ADARB2: variants seen among roughly 807,000 people sequenced by gnomAD.
ADARB2 encodes the protein adenosine deaminase RNA specific B2 (inactive), also known as inactive double-stranded RNA-specific editase B2.
ADARB2 carries 25 observed loss-of-function variants against 62.2 expected under a neutral mutation model. That is an observed-to-expected ratio of 0.40 (90% CI 0.29 to 0.56). The LOEUF (loss-of-function observed/expected upper bound fraction) is 0.56, where lower values mean the gene tolerates loss of function less well. Ranked by LOEUF, ADARB2 falls within the 20% of genes least tolerant of loss-of-function variation. The pLI, the probability that ADARB2 is intolerant of heterozygous loss-of-function variation, is 0.43. For missense variants in ADARB2, 1,071 were observed against 1,077.4 expected, an observed-to-expected ratio of 0.99 and a Z score of 0.08; for synonymous variants, 572 against 500.8, an observed-to-expected ratio of 1.14 and a Z score of -1.90.
At chr10:1,375,796 GCA>G (rs60085061) in intron 2 of ADARB2, among the ~76,000 whole-genome samples, 10,341 of 126,154 alleles carry the variant, frequency 0.082, 1,082 homozygotes, top group African/African-American at 0.25. Context: ...ATGCACACAC[GCA>G]CACACACACC....
intron 1 of ADARB2, among the ~76,000 whole-genome samples, chr10:1,621,604 T>C (rs1447599046): frequency 1.3e-5 from 2 of 152,162 alleles, no homozygotes; most frequent in South Asian, 4.1e-4. Context: ...CTTGTAGAGA[T>C]GAGTTTTCAC....
At chr10:1,309,898 G>A (rs1174933803) in intron 3 of ADARB2, among the ~76,000 whole-genome samples, 3 of 152,236 alleles carry the variant, frequency 2.0e-5, no homozygotes, top group African/African-American at 7.2e-5. Flanking sequence ...GCAGCTGTGT[G>A]GACTGCCACC....
chr10:1,602,708 A>G (rs376291380), intron 1 of ADARB2, among the ~76,000 whole-genome samples: 1 of 100,892 alleles, frequency 9.9e-6, no homozygotes, highest in Non-Finnish European at 2.3e-5. Flanking sequence ...ACACATCCAC[A>G]CACATATGCA....
intron 1 of ADARB2, among the ~76,000 whole-genome samples, chr10:1,439,276 A>G (rs1321791211): frequency 7.9e-6 from 1 of 126,196 alleles, no homozygotes; most frequent in East Asian, 2.6e-4. Flanking sequence ...TCTCCTCAGC[A>G]GATGGAGGCA....
intron 1 of ADARB2, among the ~76,000 whole-genome samples, chr10:1,632,527 G>T (rs1399779977): frequency 6.6e-6 from 1 of 152,232 alleles, no homozygotes; most frequent in Non-Finnish European, 1.5e-5. Context: ...TGCCCATGTG[G>T]CTGGGCCTAT....
intron 3 of ADARB2, among the ~76,000 whole-genome samples, chr10:1,288,943 A>G (rs966797257): frequency 1.3e-5 from 2 of 152,212 alleles, no homozygotes; most frequent in African/African-American, 4.8e-5. Flanking sequence ...TTCCAGAGTT[A>G]ACCTGAAAAA....
At chr10:1,348,597 C>T (rs1049503808) in intron 3 of ADARB2, among the ~76,000 whole-genome samples, 1 of 152,174 alleles carries the variant, frequency 6.6e-6, no homozygotes, top group African/African-American at 2.4e-5. Context: ...GTGCCCTGCT[C>T]TCCTCCTCCC....
At chr10:1,485,074 G>A (rs1355497345) in intron 1 of ADARB2, among the ~76,000 whole-genome samples, 2 of 152,084 alleles carry the variant, frequency 1.3e-5, no homozygotes, top group Non-Finnish European at 2.9e-5. Context: ...ATGTAGGTAT[G>A]TAGGTGGATT....
At chr10:1,729,129 T>C (rs1380336075) in intron 1 of ADARB2, among the ~76,000 whole-genome samples, 1 of 152,240 alleles carries the variant, frequency 6.6e-6, no homozygotes, top group Non-Finnish European at 1.5e-5. Context: ...AGGTTATCTG[T>C]AGTAGTAACA....
intron 5 of ADARB2, among the ~76,000 whole-genome samples, 192 bp downstream of exon 5, chr10:1,241,939 C>T (rs1419692460): frequency 2.0e-5 from 3 of 152,200 alleles, no homozygotes; most frequent in Non-Finnish European, 2.9e-5. Context: ...TTAGCATCTT[C>T]CCAGCGCACA....
intron 1 of ADARB2, among the ~76,000 whole-genome samples, chr10:1,442,504 C>T (rs1269757228): frequency 1.3e-5 from 2 of 152,200 alleles, no homozygotes; most frequent in African/African-American, 2.4e-5. Context: ...CATCCACACA[C>T]AAAATAGAAA....
At chr10:1,496,076 A>G (rs1831685695) in intron 1 of ADARB2, among the ~76,000 whole-genome samples, 2 of 151,788 alleles carry the variant, frequency 1.3e-5, no homozygotes, top group South Asian at 4.2e-4. Flanking sequence ...CATCACTATT[A>G]TCATCGTCAT....
chr10:1,567,002 C>T (rs933399730), intron 1 of ADARB2, among the ~76,000 whole-genome samples: 6 of 152,082 alleles, frequency 3.9e-5, no homozygotes, highest in African/African-American at 7.2e-5. Flanking sequence ...TTTAGAAATA[C>T]AATGTAAGTA....
chr10:1,271,426 A>C (rs1265439218), intron 3 of ADARB2, among the ~76,000 whole-genome samples: 1 of 152,170 alleles, frequency 6.6e-6, no homozygotes. Flanking sequence ...TATAGGGATG[A>C]TGGGCCACCG....
At chr10:1,572,124 C>A (rs1832947881) in intron 1 of ADARB2, among the ~76,000 whole-genome samples, 1 of 143,598 alleles carries the variant, frequency 7.0e-6, no homozygotes, top group South Asian at 2.2e-4. Context: ...GGTGAGTAGG[C>A]AGGTGAGTGT....
chr10:1,388,341 T>C (rs1832541211), intron 1 of ADARB2, among the ~76,000 whole-genome samples: 1 of 152,192 alleles, frequency 6.6e-6, no homozygotes, highest in South Asian at 2.1e-4. Context: ...ATGTCTGCCT[T>C]CACCACTTCT....
At chr10:1,452,742 T>C (rs1831054870) in intron 1 of ADARB2, among the ~76,000 whole-genome samples, 1 of 3,938 alleles carries the variant, frequency 2.5e-4, no homozygotes, top group Non-Finnish European at 0.011. Flanking sequence ...ATGGCACGTG[T>C]ATACTGTGTA....
chr10:1,599,589 T>C (rs1833381519), intron 1 of ADARB2, among the ~76,000 whole-genome samples: 1 of 152,182 alleles, frequency 6.6e-6, no homozygotes, highest in Non-Finnish European at 1.5e-5. Flanking sequence ...GAAAGGACAC[T>C]AAATTTATGT....
intron 3 of ADARB2, among the ~76,000 whole-genome samples, chr10:1,333,430 C>T (rs1402016574): frequency 6.6e-6 from 1 of 152,254 alleles, no homozygotes; most frequent in East Asian, 1.9e-4. Flanking sequence ...GGTTCAGATC[C>T]TGAGTTGGGC....
Sources: gnomAD v4.1 joint callset for allele counts (sites outside exome capture counted in the v4.1 genomes callset) on GRCh38, gnomAD v4.1.1 for gene constraint, MANE v1.5 for transcripts, NCBI Gene and HGNC (gene_info 2026-07-23, HGNC 2026-07-21) for gene names.